The following CEP85L variants were observed in gnomAD, a reference collection of about 807,000 sequenced individuals.
CEP85L encodes centrosomal protein 85L, also known as centrosomal protein of 85 kDa-like.
CEP85L carries 60 observed loss-of-function variants against 100.3 expected under a neutral mutation model. That is an observed-to-expected ratio of 0.60 (90% CI 0.49 to 0.74). The LOEUF (loss-of-function observed/expected upper bound fraction) is 0.74. Among genes scored for constraint, CEP85L ranks in the 30% least tolerant of loss-of-function variants. The pLI is 0.00. For synonymous variants in CEP85L, 319 were observed against 322.7 expected (o/e 0.99, Z 0.12); for missense variants, 973 against 936.2 (o/e 1.04, Z -0.51).
At chr6:118,662,769 G>T (rs985890236) in intron 1 of CEP85L, among the ~76,000 whole-genome samples, 1 of 152,132 alleles carries the variant, frequency 6.6e-6, no homozygotes, top group African/African-American at 2.4e-5. Context: ...ACATGGGAGT[G>T]CAAAGGAATG....
intron 2 of CEP85L, chr6:118,589,524 A>C (rs1781058629): frequency 3.9e-6 from 1 of 253,480 alleles, no homozygotes; most frequent in Non-Finnish European, 8.6e-6. Context: ...GAGAAGACTA[A>C]CAAGACATCT....
intron 11 of CEP85L, 77 bp downstream of exon 11, chr6:118,470,460 G>C: frequency 2.9e-6 from 2 of 692,826 alleles, no homozygotes; most frequent in Non-Finnish European, 2.3e-6. Context: ...ATCTGAAAAT[G>C]CTCTATTAAT....
chr6:118,543,497 A>G (rs536443344), intron 3 of CEP85L, among the ~76,000 whole-genome samples: 1 of 152,204 alleles, frequency 6.6e-6, no homozygotes, highest in Admixed American at 6.5e-5. Context: ...ATAGACCTAT[A>G]TAATATAAAA....
intron 4 of CEP85L, 102 bp from the exon 5 acceptor site, chr6:118,511,517 T>C: frequency 1.4e-6 from 1 of 690,886 alleles, no homozygotes; most frequent in Non-Finnish European, 2.4e-6. Context: ...ATATTCCTCT[T>C]AGATTCTAAC....
intron 1 of CEP85L, among the ~76,000 whole-genome samples, chr6:118,635,501 G>A (rs1179028334): frequency 1.3e-5 from 2 of 152,062 alleles, no homozygotes; most frequent in African/African-American, 4.8e-5. Flanking sequence ...TCCATCATTG[G>A]TTATTATTAT....
chr6:118,600,813 A>AAG (rs67328970), intron 2 of CEP85L, among the ~76,000 whole-genome samples: 4 of 151,452 alleles, frequency 2.6e-5, no homozygotes, highest in African/African-American at 9.7e-5. Context: ...AAAAAAAAAA[A>AAG]AATCTTGAGT....
chr6:118,539,113 T>C (rs1777764065), intron 3 of CEP85L, among the ~76,000 whole-genome samples: 1 of 152,148 alleles, frequency 6.6e-6, no homozygotes, highest in Non-Finnish European at 1.5e-5. Flanking sequence ...AACATTTTAA[T>C]TTATTTTAAA....
chr6:118,555,937 T>C (rs1201830573), intron 3 of CEP85L, among the ~76,000 whole-genome samples: 1 of 152,212 alleles, frequency 6.6e-6, no homozygotes, highest in Non-Finnish European at 1.5e-5. Context: ...TTGCTAGGGA[T>C]AATGACCTCC....
chr6:118,463,366 T>C lies in CEP85L; in HGVS notation c.*2039A>G, dbSNP rs977641474. ...AGTGATTGTTTGCCAATTTGTTCTA[T>C]TATTTTAGGAAGCCTTTATTTCTAA... On this transcript the variant is annotated 3_prime_UTR_variant, in exon 13 of 13. Transcript: ENST00000368491. 1 of 152,068 alleles carries C rather than the reference T, an allele frequency of 6.6e-6. No individual in the cohort carries two copies. The highest frequency in any genetic ancestry group is 2.4e-5 in the African/African-American group (1 of 41,446). 9.4% of individuals were successfully genotyped at this position (152,068 alleles called of 1,614,324 possible).
At chr6:118,516,910 A>C (rs952233986) in intron 4 of CEP85L, among the ~76,000 whole-genome samples, 1 of 152,116 alleles carries the variant, frequency 6.6e-6, no homozygotes, top group Non-Finnish European at 1.5e-5. Flanking sequence ...ATCCATCTTT[A>C]GTTAATTTTT....
chr6:118,691,481 C>G (rs1286880826), intron 1 of CEP85L, among the ~76,000 whole-genome samples: 1 of 146,518 alleles, frequency 6.8e-6, no homozygotes, highest in Non-Finnish European at 1.5e-5. Context: ...TGCAGTGAGC[C>G]AAGATCGCAG....
intron 5 of CEP85L, chr6:118,501,840 G>C: frequency 3.9e-6 from 5 of 1,292,334 alleles, no homozygotes; most frequent in Non-Finnish European, 4.4e-6. Context: ...GAGGACTCTG[G>C]AGATGCCGAA....
At chr6:118,580,527 T>A (rs928459231) in intron 2 of CEP85L, among the ~76,000 whole-genome samples, 11 of 152,360 alleles carry the variant, frequency 7.2e-5, no homozygotes, top group Admixed American at 2.0e-4. Flanking sequence ...GACTCAGATG[T>A]GAGGCTTGCT....
rs527808357 is a variant in CEP85L, at chr6:118,491,126, A to G, written c.1437+560T>C. Reference sequence around the variant, plus strand: ...CGCTGTTCTCCACGCTGTTTTCCATAGTTGTTGTACTCGTTTACATTCTCA... The same window carrying G: ...CGCTGTTCTCCACGCTGTTTTCCATGGTTGTTGTACTCGTTTACATTCTCA... On this transcript the variant is annotated intron_variant, in intron 6 of 12. Transcript: ENST00000368491. Among the ~76,000 whole-genome samples the G allele has an allele frequency of 7.9e-5, 12 of 151,638 alleles. No homozygotes were observed. In the South Asian group the frequency reaches 2.3e-3, roughly 29 times the overall value.
intron 1 of CEP85L, among the ~76,000 whole-genome samples, chr6:118,637,414 T>C (rs142007257): frequency 6.6e-6 from 1 of 152,074 alleles, no homozygotes; most frequent in East Asian, 1.9e-4. Flanking sequence ...AATTGTTGTC[T>C]AGGCCGGGCA....
At chr6:118,559,308 G>A (rs568262125) in intron 3 of CEP85L, 11 of 528,108 alleles carry the variant, frequency 2.1e-5, no homozygotes, top group African/African-American at 1.7e-4. Flanking sequence ...TTCAAAATAA[G>A]TGTATAAAAT....
intron 3 of CEP85L, among the ~76,000 whole-genome samples, chr6:118,553,135 A>G (rs962690263): frequency 1.3e-5 from 2 of 152,016 alleles, no homozygotes; most frequent in Non-Finnish European, 2.9e-5. Context: ...AGATCAGATA[A>G]CATGAAAATA....
intron 1 of CEP85L, among the ~76,000 whole-genome samples, chr6:118,709,392 A>G (rs1777707637): frequency 6.6e-6 from 1 of 152,130 alleles, no homozygotes; most frequent in Non-Finnish European, 1.5e-5. Flanking sequence ...CAGATTGGGA[A>G]GTGACACATG....
intron 6 of CEP85L, among the ~76,000 whole-genome samples, chr6:118,488,105 G>C (rs1460861387): frequency 6.6e-6 from 1 of 152,138 alleles, no homozygotes; most frequent in East Asian, 1.9e-4. Flanking sequence ...GCTAGTCTCT[G>C]AGGAGTGGAA....
Sources: gnomAD v4.1 joint callset for allele counts (sites outside exome capture counted in the v4.1 genomes callset) on GRCh38, gnomAD v4.1.1 for gene constraint, MANE v1.5 for transcripts, NCBI Gene and HGNC (gene_info 2026-07-23, HGNC 2026-07-21) for gene names.